The following TMEM74 variants were observed in gnomAD, a reference collection of about 807,000 sequenced individuals.
The protein encoded by TMEM74 is transmembrane protein 74.
TMEM74 carries 13 observed loss-of-function variants against 18.1 expected under a neutral mutation model. The observed-to-expected ratio is 0.72, with a 90% CI of 0.47 to 1.14. TMEM74 has a LOEUF of 1.14. Among genes scored for constraint, TMEM74 ranks in the 50% most tolerant of loss-of-function variants. The pLI is 0.00. For synonymous variants in TMEM74, 159 were observed against 146.6 expected (o/e 1.08, Z -0.61); for missense variants, 372 against 375.9 (o/e 0.99, Z 0.09).
intron 1 of TMEM74, among the ~76,000 whole-genome samples, chr8:108,771,049 G>A (rs1385855793): frequency 6.6e-6 from 1 of 152,140 alleles, no homozygotes; most frequent in African/African-American, 2.4e-5. Context: ...AGTTCTTCAG[G>A]TTGCTTTCTT....
chr8:108,780,719 A>C lies in TMEM74; in HGVS notation c.*3462T>G, dbSNP rs1814294906. Among the ~76,000 whole-genome samples the C allele has an allele frequency of 6.6e-6, 1 of 152,186 alleles. No individual in the cohort carries two copies. Among genetic ancestry groups the C allele is most frequent in the South Asian group, 2.1e-4 (1 of 4,836 alleles). ...ATAGAACAGAATCAAGGGTTATAGC[A>C]GTCATGTGGGTAAAAGCAACCATGG... On this transcript the variant is annotated 3_prime_UTR_variant, in exon 2 of 2. Transcript: ENST00000297459.
intron 1 of TMEM74, among the ~76,000 whole-genome samples, chr8:108,741,516 C>T (rs1220583129): frequency 6.6e-6 from 1 of 152,096 alleles, no homozygotes; most frequent in Non-Finnish European, 1.5e-5. Context: ...TTGCTAATTG[C>T]TTCATTTTCC....
At position 108,780,981 on chromosome 8, in the gene TMEM74, G is replaced by C. The variant is rs1459277975; in HGVS notation, c.*3200C>G. Among the ~76,000 whole-genome samples, 1 of 152,090 alleles carries C rather than the reference G, an allele frequency of 6.6e-6. No homozygotes were observed. The highest frequency in any genetic ancestry group is 2.4e-5 in the African/African-American group (1 of 41,410). On this transcript the variant is annotated 3_prime_UTR_variant, in exon 2 of 2. Coordinates refer to ENST00000297459, the MANE Select transcript of TMEM74 (RefSeq NM_153015.3). ...GCCCTAAAAAGAACTGGCTTATAAA[G>C]ATATTAGGAGCCTTAAATCATCCAC...
In TMEM74 at chr8:108,647,920, T is replaced by C. The variant is rs184895437; in HGVS notation, n.264+7373A>G. On this transcript the variant is annotated intron_variant and non_coding_transcript_variant, in intron 2 of 3. Coordinates refer to the TMEM74 transcript ENST00000518838. ...AGAAGAATTTTCCTGGAGGTATACA[T>C]ATCTAAGCTATAATAAGAAAGGGGT... Among the ~76,000 whole-genome samples the C allele has an allele frequency of 2.1e-3, 324 of 152,224 alleles. 1 individual carries two copies. Among genetic ancestry groups the C allele is most frequent in the African/African-American group, 7.4e-3 (306 of 41,544 alleles).
rs774905434 is a variant in TMEM74 at position 108,784,726 on chromosome 8, G to A, written c.373C>T (p.Arg125Trp). 8.7e-6 allele frequency: 14 copies of A among 1,614,004 alleles called. No individual in the cohort carries two copies. In the African/African-American group the frequency reaches 9.4e-5, roughly 11 times the overall value. ...TGCCCTTTTGCTGATGGCGAGCTCC[G>A]GTTCCGCTGCTCCAAGTTGATGTTT... ...DKNINLEQRNRSSPSAKGHNH... is the reference protein window; with the variant it reads ...DKNINLEQRNWSSPSAKGHNH... The change falls in exon 2 of 2, where the codon CGG (arginine) becomes TGG (tryptophan). Residue 125 changes from arginine to tryptophan, a missense_variant. Transcript: ENST00000297459.
chr8:108,770,602 G>T (rs1249399802), intron 1 of TMEM74, among the ~76,000 whole-genome samples: 1 of 152,056 alleles, frequency 6.6e-6, no homozygotes, highest in Non-Finnish European at 1.5e-5. Context: ...ATGCTGACAG[G>T]TTCTTCTTTC....
At chr8:108,653,452 G>C (rs369856791) in intron 2 of TMEM74, 1 of 152,178 alleles carries the variant, frequency 6.6e-6, no homozygotes, top group South Asian at 2.1e-4. Context: ...TAATGACAGG[G>C]ACCACATTTT....
chr8:108,649,714 T>C (rs767329678), intron 2 of TMEM74, among the ~76,000 whole-genome samples: 1 of 152,170 alleles, frequency 6.6e-6, no homozygotes, highest in Non-Finnish European at 1.5e-5. Flanking sequence ...ACGTCCTTTA[T>C]CTCCCTGAAA....
intron 2 of TMEM74, among the ~76,000 whole-genome samples, chr8:108,628,769 G>T (rs763783125): frequency 2.0e-5 from 3 of 151,860 alleles, no homozygotes; most frequent in Non-Finnish European, 4.4e-5. Flanking sequence ...AACATTTTTA[G>T]TTCTCCACAT....
chr8:108,741,815 GACTT>G, intron 1 of TMEM74, among the ~76,000 whole-genome samples: 1 of 152,276 alleles, frequency 6.6e-6, no homozygotes, highest in South Asian at 2.1e-4. Context: ...AGGAGCAAGA[GACTT>G]ACCTTTCTCA....
At chr8:108,756,642 GAA>G (rs1563543720) in intron 1 of TMEM74, among the ~76,000 whole-genome samples, 38 of 62,740 alleles carry the variant, frequency 6.1e-4, no homozygotes, top group South Asian at 2.6e-3. Flanking sequence ...AAGGAAGGAA[GAA>G]AGAAAGAGAA....
At chr8:108,717,283 C>T (rs1023303310) in intron 1 of TMEM74, among the ~76,000 whole-genome samples, 1 of 151,998 alleles carries the variant, frequency 6.6e-6, no homozygotes, top group Non-Finnish European at 1.5e-5. Context: ...ATTATATTCC[C>T]TCAATAGGCC....
chr8:108,656,813 G>T (rs2130576316), intron 1 of TMEM74, among the ~76,000 whole-genome samples: 1 of 152,250 alleles, frequency 6.6e-6, no homozygotes, highest in Non-Finnish European at 1.5e-5. Flanking sequence ...ACGTGCAAAA[G>T]AAATTCTGCT....
At chr8:108,621,629 T>C (rs1874680) in intron 2 of TMEM74, among the ~76,000 whole-genome samples, 16,613 of 152,196 alleles carry the variant, frequency 0.11, 1,367 homozygotes, top group East Asian at 0.43. Context: ...GCTGTATCCA[T>C]GTGGACGTGT....
At chr8:108,760,070 G>GCTACTTCAA (rs1191748273) in intron 1 of TMEM74, among the ~76,000 whole-genome samples, 4 of 151,892 alleles carry the variant, frequency 2.6e-5, no homozygotes, top group Admixed American at 2.0e-4. Context: ...CTACTCAGGA[G>GCTACTTCAA]GCTTAGGTAA....
chr8:108,694,362 T>C (rs1813260532), intron 1 of TMEM74, among the ~76,000 whole-genome samples: 1 of 152,200 alleles, frequency 6.6e-6, no homozygotes. Context: ...TGTGACATAG[T>C]ACTGATACAT....
At chr8:108,718,700 A>T (rs28593191) in intron 1 of TMEM74, among the ~76,000 whole-genome samples, 1 of 152,170 alleles carries the variant, frequency 6.6e-6, no homozygotes, top group Non-Finnish European at 1.5e-5. Flanking sequence ...TGGTATATGT[A>T]TAAGTCACCT....
In TMEM74 at chr8:108,617,152, G is replaced by A. The variant is rs551391166; in HGVS notation, n.265-8326C>T. On this transcript the variant is annotated intron_variant and non_coding_transcript_variant, in intron 2 of 3. Transcript: ENST00000518838. ...TTAGTGAGGCAAAATTAGGAACTGA[G>A]GAGTATCATTGCGAAAAGAATTTCA... Among the ~76,000 whole-genome samples the A allele has an allele frequency of 7.2e-5, 11 of 151,924 alleles. No individual in the cohort carries two copies. The East Asian group carries it at 1.8e-3, about 24-fold the overall frequency.
At chr8:108,698,422 G>A (rs1224863682) in intron 1 of TMEM74, among the ~76,000 whole-genome samples, 1 of 152,120 alleles carries the variant, frequency 6.6e-6, no homozygotes, top group African/African-American at 2.4e-5. Flanking sequence ...AACTCTCTAG[G>A]AAACAGTTTC....
Sources: allele counts gnomAD v4.1 joint callset (sites outside exome capture counted in the v4.1 genomes callset), GRCh38; gene constraint gnomAD v4.1.1; transcripts MANE v1.5; gene names NCBI Gene and HGNC (gene_info 2026-07-23, HGNC 2026-07-21).